The following CDH2 variants were observed in gnomAD, a reference collection of about 807,000 sequenced individuals.
CDH2 encodes cadherin-2.
Under a neutral mutation model 92.0 loss-of-function variants are expected in CDH2, and 17 were observed. That is an observed-to-expected ratio of 0.18 (90% CI 0.13 to 0.28). CDH2 has a LOEUF of 0.28. Among genes scored for constraint, CDH2 ranks in the 10% least tolerant of loss-of-function variants. The probability of loss-of-function intolerance (pLI) is 1.00; values close to 1 mark genes in which losing one functional copy is unlikely to be tolerated. For synonymous variants in CDH2, 419 were observed against 415.9 expected (o/e 1.01, Z -0.09); for missense variants, 862 against 1,133.1 (o/e 0.76, Z 3.44).
rs184569306 is a variant in CDH2 at position 27,983,147 on chromosome 18, C to T, written c.2210-64G>A. Reference sequence around the variant, plus strand: ...TTTTAAAGCCTGGCCTATTTAGTCACAGTATTCAGTACTAATAATTTATAC... The same window carrying T: ...TTTTAAAGCCTGGCCTATTTAGTCATAGTATTCAGTACTAATAATTTATAC... On this transcript the variant is annotated intron_variant, in intron 13 of 15. Coordinates refer to ENST00000269141, the MANE Select transcript of CDH2 (RefSeq NM_001792.5). 1.4e-4 allele frequency: 171 copies of T among 1,256,378 alleles called. No individual in the cohort carries two copies. In the African/African-American group the frequency reaches 2.2e-3, roughly 16 times the overall value. The allele number at this position is 1,256,378 out of a possible 1,614,324, so 77.8% of individuals were successfully genotyped here.
chr18:28,114,047 A>G (rs1209435775), intron 2 of CDH2, among the ~76,000 whole-genome samples: 1 of 152,090 alleles, frequency 6.6e-6, no homozygotes, highest in Non-Finnish European at 1.5e-5. Flanking sequence ...GTGGGAGAGG[A>G]TACTAGAGGC....
chr18:28,073,887 G>GT (rs1199180232), intron 2 of CDH2, among the ~76,000 whole-genome samples: 1 of 152,088 alleles, frequency 6.6e-6, no homozygotes, highest in Non-Finnish European at 1.5e-5. Flanking sequence ...TCCTGGGGTT[G>GT]CTGCAAGATT....
chr18:27,986,439 T>G (rs1482355583), intron 11 of CDH2, among the ~76,000 whole-genome samples: 1 of 152,036 alleles, frequency 6.6e-6, no homozygotes, highest in Non-Finnish European at 1.5e-5. Flanking sequence ...AGTGGTGGAG[T>G]TGCTACTAAA....
chr18:28,133,282 T>C (rs1441859607), intron 2 of CDH2, among the ~76,000 whole-genome samples: 1 of 151,854 alleles, frequency 6.6e-6, no homozygotes. Flanking sequence ...CTAAAGAAAA[T>C]TTATAATAAG....
rs963317071 is a variant in CDH2 at position 27,982,809 on chromosome 18, T to C, written c.2349+135A>G. The C allele has an allele frequency of 4.1e-5, 20 of 488,272 alleles. No individual in the cohort carries two copies. The highest frequency in any genetic ancestry group is 1.2e-4 in the African/African-American group (6 of 49,866). The allele number at this position is 488,272 out of a possible 1,614,324, so 30.2% of individuals were successfully genotyped here. A position where few individuals can be genotyped will look rare whatever the true frequency, so the allele number is the denominator to read the frequency against. On this transcript the variant is annotated intron_variant, in intron 14 of 15. Transcript: ENST00000269141. ...AAATTTGAGAAATATTCAACACACA[T>C]AGGAAACAATTTACCAAATGACTGA...
At chr18:27,984,954 T>C (rs201259849) in intron 13 of CDH2, 46 bp downstream of exon 13, 22 of 1,472,880 alleles carry the variant, frequency 1.5e-5, no homozygotes, top group Non-Finnish European at 1.9e-5. Context: ...CTGAACATCC[T>C]AGAAGCCAAG....
intron 6 of CDH2, among the ~76,000 whole-genome samples, chr18:27,933,813 A>T (rs879330376): frequency 6.6e-6 from 1 of 152,210 alleles, no homozygotes; most frequent in African/African-American, 2.4e-5. Flanking sequence ...ATATTTTCTA[A>T]GAAATTTGAA....
chr18:28,143,177 C>G (rs1333465090), intron 2 of CDH2, among the ~76,000 whole-genome samples: 1 of 151,964 alleles, frequency 6.6e-6, no homozygotes, highest in Admixed American at 6.6e-5. Context: ...TGACCAGATT[C>G]AGAGGAGTTT....
In CDH2 at chr18:28,177,098, G is replaced by A. The variant is rs2016561075; in HGVS notation, c.-76C>T. On this transcript the variant is annotated 5_prime_UTR_variant, in exon 1 of 16. Transcript: ENST00000269141. Reference sequence around the variant, plus strand: ...GGCGGCGGCGGAGGAGGAGGAGGCAGCGGCAGCACCAACAGCGGCGCGGAG... The same window carrying A: ...GGCGGCGGCGGAGGAGGAGGAGGCAACGGCAGCACCAACAGCGGCGCGGAG... 1 of 1,158,426 alleles carries A rather than the reference G, an allele frequency of 8.6e-7. No individual in the cohort carries two copies. The highest frequency in any genetic ancestry group is 1.2e-6 in the Non-Finnish European group (1 of 834,208). 71.8% of individuals were successfully genotyped at this position (1,158,426 alleles called of 1,614,324 possible). A position where few individuals can be genotyped will look rare whatever the true frequency, so the allele number is the denominator to read the frequency against.
At chr18:28,167,733 G>A (rs2016407385) in intron 1 of CDH2, among the ~76,000 whole-genome samples, 1 of 152,030 alleles carries the variant, frequency 6.6e-6, no homozygotes, top group African/African-American at 2.4e-5. Flanking sequence ...TTTCCTGTAT[G>A]CATTTGACAC....
chr18:27,943,735 A>G (rs1328462183), intron 6 of CDH2, among the ~76,000 whole-genome samples: 1 of 152,186 alleles, frequency 6.6e-6, no homozygotes, highest in Non-Finnish European at 1.5e-5. Flanking sequence ...AGGGGTTTAC[A>G]CAAGACTGGC....
At chr18:28,119,821 A>G (rs544951344) in intron 2 of CDH2, among the ~76,000 whole-genome samples, 1 of 152,170 alleles carries the variant, frequency 6.6e-6, no homozygotes, top group Admixed American at 6.6e-5. Flanking sequence ...GGTAAGTGAT[A>G]TGTGTACCTT....
chr18:28,000,972 A>G (rs2012747806), intron 7 of CDH2, among the ~76,000 whole-genome samples: 1 of 152,192 alleles, frequency 6.6e-6, no homozygotes, highest in African/African-American at 2.4e-5. Context: ...AAGAATTATC[A>G]TAAACCATCC....
intron 6 of CDH2, among the ~76,000 whole-genome samples, chr18:27,942,639 G>T (rs915475102): frequency 3.9e-5 from 6 of 152,196 alleles, no homozygotes; most frequent in Non-Finnish European, 1.5e-5. Context: ...GCTGCATAAA[G>T]AAACAGAAGA....
At chr18:27,985,791 C>T in intron 11 of CDH2, 30 bp from the exon 12 acceptor site, 4 of 1,273,874 alleles carry the variant, frequency 3.1e-6, no homozygotes, top group Non-Finnish European at 4.5e-6. Context: ...ACAAATGATG[C>T]TGAACAGTTC....
chr18:28,152,798 C>G (rs1044691281), intron 1 of CDH2, among the ~76,000 whole-genome samples: 1 of 152,060 alleles, frequency 6.6e-6, no homozygotes, highest in Non-Finnish European at 1.5e-5. Flanking sequence ...TAGGGGATGA[C>G]AAGTGACAAC....
At chr18:28,147,418 T>C (rs900125177) in intron 2 of CDH2, among the ~76,000 whole-genome samples, 1 of 152,132 alleles carries the variant, frequency 6.6e-6, no homozygotes, top group Non-Finnish European at 1.5e-5. Flanking sequence ...AATAATCAGT[T>C]ACATAACGGT....
At chr18:28,050,685 T>C (rs963420725) in intron 2 of CDH2, among the ~76,000 whole-genome samples, 1 of 152,166 alleles carries the variant, frequency 6.6e-6, no homozygotes, top group Non-Finnish European at 1.5e-5. Flanking sequence ...TAATGCCTTT[T>C]TCACTTTTGT....
chr18:28,113,937 G>C (rs1439745930), intron 2 of CDH2, among the ~76,000 whole-genome samples: 2 of 151,996 alleles, frequency 1.3e-5, no homozygotes, highest in African/African-American at 4.8e-5. Context: ...TCTGGAGAAA[G>C]AAAAAGGAAA....
Sources: allele counts gnomAD v4.1 joint callset (sites outside exome capture counted in the v4.1 genomes callset), GRCh38; gene constraint gnomAD v4.1.1; transcripts MANE v1.5; gene names NCBI Gene and HGNC (gene_info 2026-07-23, HGNC 2026-07-21).